The following MAP3K20 variants were observed in gnomAD, a reference collection of about 807,000 sequenced individuals.
MAP3K20 encodes the protein HCCS-4.
MAP3K20 carries 40 observed loss-of-function variants against 85.7 expected under a neutral mutation model. That is an observed-to-expected ratio of 0.47 (90% CI 0.36 to 0.61). MAP3K20 has a LOEUF of 0.61. MAP3K20 is among the 20% of genes least tolerant of loss of function. The pLI is 0.00. For missense variants in MAP3K20, 817 were observed against 961.7 expected (o/e 0.85, Z 1.99); for synonymous variants, 325 against 327.7 (o/e 0.99, Z 0.09).
chr2:173,156,835 G>A (rs1689489084), intron 2 of MAP3K20, among the ~76,000 whole-genome samples: 1 of 152,248 alleles, frequency 6.6e-6, no homozygotes, highest in Non-Finnish European at 1.5e-5. Flanking sequence ...CAAGGAAATA[G>A]TATTTGTATG....
chr2:173,266,722 G>T lies in MAP3K20; in HGVS notation c.2375G>T (p.Gly792Val). The T allele has an allele frequency of 6.4e-7, 1 of 1,562,156 alleles. No individual in the cohort carries two copies. Residue 792 changes from glycine (G) to valine (V), a missense_variant, in exon 20 of 20, where the codon GGG becomes GTG. Gly to Val is a moderately radical substitution (Grantham distance 109). This residue lies in a region of MAP3K20 where 454 missense variants were observed against 476.9 expected (regional missense o/e 0.95). Coordinates refer to ENST00000375213, the MANE Select transcript of MAP3K20 (RefSeq NM_016653.3). ...PAKTNKERARGDHRGWRNF is the reference protein window; with the variant it reads ...PAKTNKERARVDHRGWRNF ...AAAACCAATAAAGAGAGAGCCAGAG[G>T]GGACCACCGTGGATGGAGAAACTTT...
intron 2 of MAP3K20, among the ~76,000 whole-genome samples, chr2:173,132,666 G>C (rs1053687455): frequency 6.6e-6 from 1 of 152,214 alleles, no homozygotes; most frequent in African/African-American, 2.4e-5. Flanking sequence ...TGGTGTTAAA[G>C]GGATGGGTTC....
rs764005575 is a variant in MAP3K20, at chr2:173,232,338, T to C, written c.1082T>C (p.Met361Thr). Reference protein sequence around the residue: ...LVRKGDSSAEMSVYASLFKEN... With the variant: ...LVRKGDSSAETSVYASLFKEN... ...CCTTCAGGTGACTCTTCAGCAGAGA[T>C]GAGTGTATATGCAAGCTTGTTTAAA... is the stretch of plus-strand genomic sequence containing the variant. The change falls in exon 14 of 20, where the codon ATG (methionine) becomes ACG (threonine). Residue 361 changes from methionine (M) to threonine (T), a missense_variant. By Grantham distance (81) the Met-to-Thr change is moderately conservative. Around this residue, in one of 4 missense-constraint regions of MAP3K20, gnomAD observed 158 missense variants for 162.0 expected, o/e 0.98. Transcript: ENST00000375213. 1.6e-4 allele frequency: 266 copies of C among 1,614,082 alleles called. No homozygotes were observed. The highest frequency in any genetic ancestry group is 2.2e-4 in the Non-Finnish European group (257 of 1,180,032).
chr2:173,144,445 A>G (rs1446405902), intron 2 of MAP3K20, among the ~76,000 whole-genome samples: 8 of 143,512 alleles, frequency 5.6e-5, no homozygotes, highest in Non-Finnish European at 1.2e-4. Context: ...CCTGGGCAAC[A>G]GAGGGAGACT....
intron 9 of MAP3K20, among the ~76,000 whole-genome samples, chr2:173,205,719 C>A (rs1683663093): frequency 6.6e-6 from 1 of 152,040 alleles, no homozygotes; most frequent in African/African-American, 2.4e-5. Context: ...TAAGTAGAGT[C>A]CTAGATATTC....
At chr2:173,177,016 TAC>T (rs1264822791) in intron 3 of MAP3K20, among the ~76,000 whole-genome samples, 1 of 152,180 alleles carries the variant, frequency 6.6e-6, no homozygotes, top group African/African-American at 2.4e-5. Flanking sequence ...TGGAAATGTA[TAC>T]ACACCTAAAA....
intron 10 of MAP3K20, 51 bp from the exon 11 acceptor site, chr2:173,217,064 C>T (rs202119972): frequency 2.9e-6 from 4 of 1,386,376 alleles, no homozygotes; most frequent in African/African-American, 1.5e-5. Context: ...CCACTAAGCG[C>T]TTGATGTCTC....
chr2:173,146,395 A>G (rs1574055871), intron 2 of MAP3K20, among the ~76,000 whole-genome samples: 1 of 152,326 alleles, frequency 6.6e-6, no homozygotes, highest in Non-Finnish European at 1.5e-5. Context: ...TGTAATACTG[A>G]AGGTGAATTG....
rs1369009011 is a variant in MAP3K20 at position 173,232,309 on chromosome 2, A to C, written c.1064-11A>C. 1 of 1,614,106 alleles carries C rather than the reference A, an allele frequency of 6.2e-7. No homozygotes were observed. The highest frequency in any genetic ancestry group is 1.1e-5 in the South Asian group (1 of 91,080). ...TCTAATTTTATTCTGCTTTCTAATCACTTCCTTCAGGTGACTCTTCAGCAG... is the reference window on the plus strand; with the variant it reads ...TCTAATTTTATTCTGCTTTCTAATCCCTTCCTTCAGGTGACTCTTCAGCAG... On this transcript the variant is annotated splice_polypyrimidine_tract_variant and intron_variant, in intron 13 of 19. Transcript: ENST00000375213.
intron 11 of MAP3K20, chr2:173,221,818 C>T (rs1436935731): frequency 7.5e-6 from 8 of 1,067,750 alleles, no homozygotes; most frequent in African/African-American, 5.0e-5. Flanking sequence ...AAAGTTGTGA[C>T]ATTCTGGCTT....
rs820008 is a variant in MAP3K20, at chr2:173,258,671, A to G, written c.1360-28A>G. 0.73 allele frequency: 1,024,735 copies of G among 1,400,904 alleles called. 376,997 individuals are homozygous for G. The highest frequency in any genetic ancestry group is 0.78 in the East Asian group (33,687 of 43,110). 86.8% of individuals were successfully genotyped at this position (1,400,904 alleles called of 1,614,324 possible). A position where few individuals can be genotyped will look rare whatever the true frequency, so the allele number is the denominator to read the frequency against. On this transcript the variant is annotated intron_variant, in intron 16 of 19. Transcript: ENST00000375213. Reference sequence around the variant, plus strand: ...AAAAAAAAATTGTTTCACTTTCTCAAATTCTGTAATTTTGTTTTTAATTCC... The same window carrying G: ...AAAAAAAAATTGTTTCACTTTCTCAGATTCTGTAATTTTGTTTTTAATTCC...
intron 2 of MAP3K20, among the ~76,000 whole-genome samples, chr2:173,154,063 T>G (rs190609805): frequency 2.0e-5 from 3 of 152,324 alleles, no homozygotes; most frequent in Admixed American, 1.3e-4. Context: ...GCAGTCACAC[T>G]GCTGTGTGTT....
At chr2:173,156,512 G>T (rs1689475529) in intron 2 of MAP3K20, among the ~76,000 whole-genome samples, 1 of 152,162 alleles carries the variant, frequency 6.6e-6, no homozygotes, top group South Asian at 2.1e-4. Flanking sequence ...CCACAGATAG[G>T]GCGGTGGTGG....
At position 173,266,594 on chromosome 2, in the gene MAP3K20, C is replaced by A. The variant is rs184880152; in HGVS notation, c.2247C>A (p.His749Gln). 3 of 1,613,858 alleles carry A rather than the reference C, an allele frequency of 1.9e-6. No homozygotes were observed. The highest frequency in any genetic ancestry group is 2.7e-5 in the African/African-American group (2 of 74,964). ...ACACCATACCAGGGATGCCTTTGCA[C>A]CCTGAGACTGACTCAAGAGCCAGTG... is the stretch of plus-strand genomic sequence containing the variant. ...QPNTIPGMPLHPETDSRASEE... is the reference protein window; with the variant it reads ...QPNTIPGMPLQPETDSRASEE... Residue 749 changes from histidine (H) to glutamine (Q), a missense_variant, in exon 20 of 20, where the codon CAC becomes CAA. Physicochemically the swap from His to Gln is conservative, Grantham distance 24 (BLOSUM62 0). Transcript: ENST00000375213.
intron 2 of MAP3K20, chr2:173,166,337 A>G (rs1235543281): frequency 6.6e-6 from 1 of 152,228 alleles, no homozygotes; most frequent in East Asian, 1.9e-4. Flanking sequence ...CTGTCAGTTG[A>G]TAAACACTTT....
intron 2 of MAP3K20, among the ~76,000 whole-genome samples, chr2:173,144,937 A>G (rs1034201217): frequency 5.9e-5 from 9 of 152,246 alleles, no homozygotes; most frequent in African/African-American, 2.4e-5. Context: ...CAGACATATT[A>G]TAATCCATTG....
intron 1 of MAP3K20, among the ~76,000 whole-genome samples, chr2:173,078,623 A>G (rs1318343194): frequency 1.3e-5 from 2 of 152,224 alleles, no homozygotes; most frequent in Non-Finnish European, 2.9e-5. Context: ...ATAGCTGTTA[A>G]GTAATCCCAG....
intron 2 of MAP3K20, among the ~76,000 whole-genome samples, chr2:173,121,331 G>A (rs913154902): frequency 6.6e-6 from 1 of 152,166 alleles, no homozygotes; most frequent in Non-Finnish European, 1.5e-5. Flanking sequence ...TGGTGAATAA[G>A]GCATTCCGTG....
intron 9 of MAP3K20, among the ~76,000 whole-genome samples, chr2:173,208,219 G>A (rs1683753926): frequency 2.0e-5 from 3 of 151,874 alleles, no homozygotes; most frequent in Non-Finnish European, 2.9e-5. Flanking sequence ...GGGCAAGATG[G>A]CGAGACCCCT....
Sources: gnomAD v4.1 joint callset for allele counts (sites outside exome capture counted in the v4.1 genomes callset) on GRCh38, gnomAD v4.1.1 for gene constraint, gnomAD v4.1.1 regional missense constraint, MANE v1.5 for transcripts, NCBI Gene and HGNC (gene_info 2026-07-23, HGNC 2026-07-21) for gene names.